LYPD4: variants seen among roughly 807,000 people sequenced by gnomAD.
LYPD4 encodes LY6/PLAUR domain containing 4.
Under a neutral mutation model 18.2 loss-of-function variants are expected in LYPD4, and 20 were observed. The observed-to-expected ratio is 1.10, with a 90% CI of 0.77 to 1.59. LYPD4 has a LOEUF of 1.59. Among genes scored for constraint, LYPD4 ranks in the 40% most tolerant of loss-of-function variants. The pLI is 0.00. For missense variants in LYPD4, 278 were observed against 300.3 expected (o/e 0.93, Z 0.55); for synonymous variants, 111 against 118.3 (o/e 0.94, Z 0.40).
rs2073765458 is a variant in LYPD4 at position 41,844,352 on chromosome 19, T to C, written c.-895A>G. 6.6e-6 allele frequency: 1 copy of C among 151,990 alleles called. No individual in the cohort carries two copies. The highest frequency in any genetic ancestry group is 2.1e-4 in the South Asian group (1 of 4,812). The allele number at this position is 151,990 out of a possible 1,614,324, so 9.4% of individuals were successfully genotyped here. On this transcript the variant is annotated 5_prime_UTR_variant, in exon 1 of 5. An upstream start codon of the reference 5' UTR is lost. Transcript: ENST00000609812. ...GGGAAGGGGCCAGGCTATCAGGGCA[T>C]GAAGCACGGGAGAAAATGGGTCCGA... is the stretch of plus-strand genomic sequence containing the variant.
chr19:41,841,957 G>C (rs1442790553), intron 1 of LYPD4, among the ~76,000 whole-genome samples: 1 of 152,158 alleles, frequency 6.6e-6, no homozygotes, highest in Admixed American at 6.5e-5. Flanking sequence ...ACACTACATG[G>C]TCAAATTGGG....
downstream of LYPD4, chr19:41,835,848 C>T (rs2073364503): frequency 2.0e-6 from 2 of 985,326 alleles, no homozygotes; most frequent in Middle Eastern, 5.2e-4. Flanking sequence ...AGGAGTTAAG[C>T]CTGTGTCCTC....
Position 41,838,079 on chromosome 19 carries a change from G to A in LYPD4, c.394C>T (p.Pro132Ser). The A allele has an allele frequency of 6.2e-7, 1 of 1,614,156 alleles. No individual in the cohort carries two copies. Among genetic ancestry groups the A allele is most frequent in the Non-Finnish European group, 8.5e-7 (1 of 1,180,018 alleles). ...CAGGACGCAGATGTGATAGACTTAG[G>A]AGTGCTGGCCTTGAGTTTCACAAAA... ...EPFVKLKAST[P>S]KSITSASCSC... Residue 132 changes from proline to serine, a missense_variant, in exon 4 of 5, where the codon CCT (proline) becomes TCT (serine). Transcript: ENST00000609812.
In LYPD4 at chr19:41,838,937, T is replaced by G. The variant is rs1555832273; in HGVS notation, c.155A>C (p.Asn52Thr). Reference protein sequence around the residue: ...FHNWKWLLMRNMVCKLQEGCE... With the variant: ...FHNWKWLLMRTMVCKLQEGCE... ...GCCCTCTTGCAGCTTACACACCATG[T>G]TCCTCATCAGAAGCCACTTCCAGTT... The change falls in exon 3 of 5, where the codon AAC (asparagine) becomes ACC (threonine). Residue 52 changes from asparagine (N) to threonine (T), a missense_variant. Asn to Thr is a moderately conservative substitution (Grantham distance 65). Coordinates refer to ENST00000609812, the MANE Select transcript of LYPD4 (RefSeq NM_173506.7). 5 of 1,613,988 alleles carry G rather than the reference T, an allele frequency of 3.1e-6. No individual in the cohort carries two copies. The Middle Eastern group carries it at 4.9e-4, about 160-fold the overall frequency.
intron 3 of LYPD4, 150 bp downstream of exon 3, chr19:41,838,731 C>CA (rs1198402048): frequency 1.1e-4 from 42 of 393,182 alleles, no homozygotes; most frequent in Admixed American, 8.8e-4. Flanking sequence ...CTCCCCATCT[C>CA]AAAAAAAATT....
At chr19:41,836,734 CA>C (rs1174707074), downstream of LYPD4, among the ~76,000 whole-genome samples, 8 of 139,214 alleles carry the variant, frequency 5.7e-5, no homozygotes, top group African/African-American at 1.3e-4. Flanking sequence ...ACCCCCATGT[CA>C]AAAAAAGGAA....
chr19:41,836,286 C>A (rs557163890), downstream of LYPD4, among the ~76,000 whole-genome samples: 9 of 22,488 alleles, frequency 4.0e-4, no homozygotes, highest in African/African-American at 4.9e-4. Flanking sequence ...TGCCAACTTA[C>A]CAAAAAAAAA....
In LYPD4 at chr19:41,841,524, G is replaced by A. The variant is rs530490741; in HGVS notation, c.-121+2054C>T. ...CTACTACAAATACAAAAATTAGCCC[G>A]GTGTGGTGGTACGTGCCTGCAGTCC... On this transcript the variant is annotated intron_variant, in intron 1 of 4. Coordinates refer to ENST00000609812, the MANE Select transcript of LYPD4 (RefSeq NM_173506.7). 1.4e-4 allele frequency among the ~76,000 whole-genome samples: 21 copies of A among 151,830 alleles called. No homozygotes were observed. The South Asian group carries it at 1.9e-3, about 14-fold the overall frequency.
intron 4 of LYPD4, 93 bp from the exon 5 acceptor site, chr19:41,837,438 C>G: frequency 1.4e-6 from 2 of 1,406,132 alleles, no homozygotes. Flanking sequence ...GTAATCCCAG[C>G]ACTTTGGGAG....
chr19:41,842,833 G>A (rs2073654272), intron 1 of LYPD4, among the ~76,000 whole-genome samples: 1 of 137,416 alleles, frequency 7.3e-6, no homozygotes, highest in African/African-American at 2.8e-5. Context: ...TGTGTACATG[G>A]ATAGATTGTA....
In LYPD4 at chr19:41,838,221, C is replaced by T. The variant is rs782100732; in HGVS notation, c.252G>A (p.Ser84=). The change falls in exon 4 of 5, where the codon TCG becomes TCA. Residue 84 remains serine, a synonymous_variant. Transcript: ENST00000609812. The part of the protein sequence containing the change: ...RGVVGFKGCS[S]SSSYPAQISY... The stretch of plus-strand genomic sequence containing the variant: ...AGATTTGCGCAGGGTAAGACGAAGA[C>T]GAGCTGCAGCCTTTAAAGCCCACGA... The T allele has an allele frequency of 4.7e-5, 73 of 1,547,158 alleles. 1 individual carries two copies. Among genetic ancestry groups the T allele is most frequent in the Middle Eastern group, 1.7e-4 (1 of 5,724 alleles).
chr19:41,835,776 G>A, downstream of LYPD4: 1 of 985,362 alleles, frequency 1.0e-6, no homozygotes, highest in Non-Finnish European at 1.2e-6. Flanking sequence ...GCCAGGTGCA[G>A]GCACGTGTGC....
chr19:41,841,898 G>A (rs1051170018), intron 1 of LYPD4, among the ~76,000 whole-genome samples: 12 of 152,144 alleles, frequency 7.9e-5, no homozygotes, highest in South Asian at 2.1e-4. Flanking sequence ...CAAAGGAGTT[G>A]AGAGTTCTGA....
At chr19:41,842,951 A>G (rs1248218674) in intron 1 of LYPD4, among the ~76,000 whole-genome samples, 11 of 145,228 alleles carry the variant, frequency 7.6e-5, no homozygotes, top group African/African-American at 2.8e-4. Flanking sequence ...TGATCCCAGC[A>G]CTTTGGGAGG....
At chr19:41,838,794 C>T in intron 3 of LYPD4, 87 bp downstream of exon 3, 1 of 1,259,490 alleles carries the variant, frequency 7.9e-7, no homozygotes, top group Middle Eastern at 2.0e-4. Flanking sequence ...ATGTGGAATT[C>T]TAATCTACAG....
In LYPD4 at chr19:41,837,853, C is replaced by A. The variant is rs1351517124; in HGVS notation, c.538+82G>T. The A allele has an allele frequency of 6.5e-6, 9 of 1,391,560 alleles. No individual in the cohort carries two copies. The African/African-American group carries it at 1.3e-4, about 20-fold the overall frequency. The allele number at this position is 1,391,560 out of a possible 1,614,324, so 86.2% of individuals were successfully genotyped here. A position where few individuals can be genotyped will look rare whatever the true frequency, so the allele number is the denominator to read the frequency against. On this transcript the variant is annotated intron_variant, in intron 4 of 4. Transcript: ENST00000609812. Reference sequence around the variant, plus strand: ...ACCCCAATCCCATCTCTGGATCCCACCAGCCTCTCTGAGATGTGAAGGTGC... The same window carrying A: ...ACCCCAATCCCATCTCTGGATCCCAACAGCCTCTCTGAGATGTGAAGGTGC...
At position 41,838,082 on chromosome 19, in the gene LYPD4, T is replaced by C. The variant is rs1266361385; in HGVS notation, c.391A>G (p.Thr131Ala). ...LEPFVKLKAS[T>A]PKSITSASCS... Reference sequence around the variant, plus strand: ...GACGCAGATGTGATAGACTTAGGAGTGCTGGCCTTGAGTTTCACAAAAGGC... The same window carrying C: ...GACGCAGATGTGATAGACTTAGGAGCGCTGGCCTTGAGTTTCACAAAAGGC... Residue 131 changes from threonine to alanine, a missense_variant, in exon 4 of 5, where the codon ACT becomes GCT. Coordinates refer to ENST00000609812, the MANE Select transcript of LYPD4 (RefSeq NM_173506.7). 1.9e-6 allele frequency: 3 copies of C among 1,613,598 alleles called. No homozygotes were observed. Among genetic ancestry groups the C allele is most frequent in the African/African-American group, 2.7e-5 (2 of 74,790 alleles).
Position 41,842,191 on chromosome 19 carries a change from C to T in LYPD4, c.-121+1387G>A, listed in dbSNP as rs528214730. ...CCAAATAGCTGGGACTACAGGTGTG[C>T]GCCAACACACCCAGCTTTGTAGAGA... On this transcript the variant is annotated intron_variant, in intron 1 of 4. Transcript: ENST00000609812. Among the ~76,000 whole-genome samples the T allele has an allele frequency of 8.5e-5, 13 of 152,074 alleles. 1 individual carries two copies. The South Asian group carries it at 1.2e-3, about 15-fold the overall frequency.
At position 41,844,555 on chromosome 19, in the gene LYPD4, G is replaced by A. The variant is rs1276169019; in HGVS notation, c.-1098C>T. 1 of 152,262 alleles carries A rather than the reference G, an allele frequency of 6.6e-6. No homozygotes were observed. The highest frequency in any genetic ancestry group is 1.5e-5 in the Non-Finnish European group (1 of 68,090). The allele number at this position is 152,262 out of a possible 1,614,324, so 9.4% of individuals were successfully genotyped here. A position where few individuals can be genotyped will look rare whatever the true frequency, so the allele number is the denominator to read the frequency against. On this transcript the variant is annotated 5_prime_UTR_variant, in exon 1 of 5. Coordinates refer to ENST00000609812, the MANE Select transcript of LYPD4 (RefSeq NM_173506.7). ...AAAAGAAGGGTAGCTCAGGAGTTGT[G>A]GGGCACCGGAAGAGACATAACAGAA...
Sources: allele counts gnomAD v4.1 joint callset (sites outside exome capture counted in the v4.1 genomes callset), GRCh38; gene constraint gnomAD v4.1.1; transcripts MANE v1.5; gene names NCBI Gene and HGNC (gene_info 2026-07-23, HGNC 2026-07-21).